Variants in BMAL2 observed in about 807,000 individuals in gnomAD.
BMAL2 encodes basic helix-loop-helix ARNT-like protein 2.
chr12:27,336,632 C>G, the BMAL2 span, among the ~76,000 whole-genome samples: 10 of 152,248 alleles, frequency 6.6e-5, 1 homozygote, highest in East Asian at 3.9e-4. Flanking sequence ...ATCCCATTTA[C>G]CCACCCAATT....
chr12:27,356,483 A>G, the BMAL2 span, among the ~76,000 whole-genome samples: 3 of 152,176 alleles, frequency 2.0e-5, no homozygotes, highest in Admixed American at 2.0e-4. Flanking sequence ...GTGGCCAGCC[A>G]TACTGATCTT....
chr12:27,333,105 T>TGAGGTTGCCGGTGGC, the BMAL2 span: 3 of 1,202,816 alleles, frequency 2.5e-6, no homozygotes, highest in Non-Finnish European at 3.1e-6. Context: ...CGGCGGGAGG[T>TGAGGTTGCCGGTGGC]GAGGTTGCCG....
chr12:27,418,591 T>C, the BMAL2 span, among the ~76,000 whole-genome samples: 3 of 151,382 alleles, frequency 2.0e-5, no homozygotes, highest in African/African-American at 7.3e-5. Flanking sequence ...GGTGACAGAG[T>C]GAGACCTTGT....
At chr12:27,359,931 T>A in the BMAL2 span, among the ~76,000 whole-genome samples, 1 of 151,052 alleles carries the variant, frequency 6.6e-6, no homozygotes, top group Non-Finnish European at 1.5e-5. Flanking sequence ...GGTGTGCCTG[T>A]AGTCCCAGCT....
chr12:27,415,941 C>A, the BMAL2 span: 1 of 1,583,498 alleles, frequency 6.3e-7, no homozygotes, highest in Non-Finnish European at 8.7e-7. Context: ...CTGTAAACTG[C>A]AGGAGTGTAA....
the BMAL2 span, among the ~76,000 whole-genome samples, chr12:27,356,549 C>A: frequency 1.3e-5 from 2 of 152,028 alleles, no homozygotes; most frequent in Non-Finnish European, 2.9e-5. Context: ...GTATGTCTTA[C>A]AAAAGTAAGA....
chr12:27,407,276 T>C, the BMAL2 span, among the ~76,000 whole-genome samples: 1 of 152,202 alleles, frequency 6.6e-6, no homozygotes, highest in African/African-American at 2.4e-5. Context: ...CTGCCCCGAA[T>C]CAACAGAATA....
At chr12:27,416,100 A>G in the BMAL2 span, among the ~76,000 whole-genome samples, 7 of 152,176 alleles carry the variant, frequency 4.6e-5, no homozygotes, top group African/African-American at 1.7e-4. Flanking sequence ...GCGTTGTGGA[A>G]TAGTAGTTAA....
the BMAL2 span, among the ~76,000 whole-genome samples, chr12:27,366,706 G>A: frequency 1.3e-5 from 2 of 152,126 alleles, no homozygotes; most frequent in African/African-American, 4.8e-5. Flanking sequence ...CCCATTTCTG[G>A]GATAGTGTCC....
chr12:27,362,394 T>G, the BMAL2 span, among the ~76,000 whole-genome samples: 1 of 152,196 alleles, frequency 6.6e-6, no homozygotes, highest in Non-Finnish European at 1.5e-5. Flanking sequence ...CCAAAGTGCC[T>G]CACGATCACT....
chr12:27,380,415 C>A, the BMAL2 span: 1 of 1,613,722 alleles, frequency 6.2e-7, no homozygotes, highest in Non-Finnish European at 8.5e-7. Context: ...GTGAGTTTGA[C>A]GATGGCTTCC....
At chr12:27,377,642 GA>G in the BMAL2 span, 1 of 152,220 alleles carries the variant, frequency 6.6e-6, no homozygotes, top group African/African-American at 2.4e-5. Flanking sequence ...TTGGAAGGCA[GA>G]GGCAGAATAA....
chr12:27,416,775 T>C, the BMAL2 span, among the ~76,000 whole-genome samples: 105,670 of 151,900 alleles, frequency 0.7, 37,317 homozygotes, highest in Middle Eastern at 0.88. Flanking sequence ...CTGGGCAATA[T>C]AGTGAGACCT....
chr12:27,380,339 T>C, the BMAL2 span: 1 of 1,614,166 alleles, frequency 6.2e-7, no homozygotes, highest in Non-Finnish European at 8.5e-7. Context: ...TGCAACCCCA[T>C]GGCGCGTAAA....
chr12:27,390,201 A>G, the BMAL2 span: 1 of 1,614,014 alleles, frequency 6.2e-7, no homozygotes, highest in Non-Finnish European at 8.5e-7. Flanking sequence ...ATCTCTGTCA[A>G]AGAAGAGCAT....
the BMAL2 span, among the ~76,000 whole-genome samples, chr12:27,398,960 G>C: frequency 6.6e-6 from 1 of 152,162 alleles, no homozygotes; most frequent in African/African-American, 2.4e-5. Flanking sequence ...TGGGTTGTTA[G>C]GGGGAGGTAG....
the BMAL2 span, among the ~76,000 whole-genome samples, chr12:27,345,216 A>C: frequency 1.3e-5 from 2 of 152,290 alleles, no homozygotes; most frequent in South Asian, 2.1e-4. Flanking sequence ...GCTTCCCCCC[A>C]AAAATGCCCC....
the BMAL2 span, among the ~76,000 whole-genome samples, chr12:27,359,308 A>T: frequency 1.1e-4 from 16 of 152,300 alleles, no homozygotes; most frequent in African/African-American, 3.8e-4. Flanking sequence ...GTGAAACTGG[A>T]AGTTCTGATT....
chr12:27,403,996 C>T, the BMAL2 span, among the ~76,000 whole-genome samples: 958 of 148,082 alleles, frequency 6.5e-3, 4 homozygotes, highest in Middle Eastern at 0.021. Flanking sequence ...AACCTCATCT[C>T]TACAAAAAAA....
Sources: allele counts gnomAD v4.1 joint callset (sites outside exome capture counted in the v4.1 genomes callset), GRCh38; gene constraint gnomAD v4.1.1; transcripts MANE v1.5; gene names NCBI Gene and HGNC (gene_info 2026-07-23, HGNC 2026-07-21).